The following SNX24 variants were observed in gnomAD, a reference collection of about 807,000 sequenced individuals.
The protein encoded by SNX24 is sorting nexin 24.
SNX24 carries 22 observed loss-of-function variants against 28.7 expected under a neutral mutation model. That is an observed-to-expected ratio of 0.77 (90% CI 0.55 to 1.10). SNX24 has a LOEUF of 1.10. Ranked by LOEUF, SNX24 falls within the 50% of genes least tolerant of loss-of-function variation. The pLI, the probability that SNX24 is intolerant of heterozygous loss-of-function variation, is 0.00. For synonymous variants in SNX24, 69 were observed against 71.5 expected (o/e 0.96, Z 0.18); for missense variants, 221 against 201.1 (o/e 1.10, Z -0.60).
At chr5:122,990,740 A>G (rs1229254099) in intron 3 of SNX24, among the ~76,000 whole-genome samples, 1 of 152,114 alleles carries the variant, frequency 6.6e-6, no homozygotes, top group African/African-American at 2.4e-5. Flanking sequence ...TTTCCATTCT[A>G]TTGTTTGTAT....
chr5:122,848,600 T>C (rs1754754668), intron 1 of SNX24, among the ~76,000 whole-genome samples: 2 of 150,990 alleles, frequency 1.3e-5, no homozygotes, highest in African/African-American at 4.9e-5. Context: ...TCCCAGCTAC[T>C]TGGGAGGCTG....
At chr5:122,960,025 C>T (rs938489031) in intron 3 of SNX24, among the ~76,000 whole-genome samples, 2 of 152,162 alleles carry the variant, frequency 1.3e-5, no homozygotes, top group African/African-American at 2.4e-5. Flanking sequence ...CCTCCCTACA[C>T]GGGCTGTGTT....
chr5:123,008,730 A>G lies in SNX24; in HGVS notation c.*981A>G, dbSNP rs1056044392. 1.2e-5 allele frequency: 5 copies of G among 402,934 alleles called. No homozygotes were observed. The highest frequency in any genetic ancestry group is 8.7e-5 in the African/African-American group (4 of 46,010). 25.0% of individuals were successfully genotyped at this position (402,934 alleles called of 1,614,324 possible). On this transcript the variant is annotated 3_prime_UTR_variant, in exon 7 of 7. Transcript: ENST00000261369. ...CATTCATTTTAGGTGGGATCGCCAC[A>G]GGATTTCATGTTATTTTCCTTACGG... is the stretch of plus-strand genomic sequence containing the variant.
chr5:122,893,378 C>T (rs889078532), intron 1 of SNX24, among the ~76,000 whole-genome samples: 1 of 151,990 alleles, frequency 6.6e-6, no homozygotes, highest in African/African-American at 2.4e-5. Flanking sequence ...TGCAAGGACT[C>T]CTGCCTCCTT....
intron 1 of SNX24, among the ~76,000 whole-genome samples, chr5:122,876,457 T>C (rs1212432159): frequency 2.0e-5 from 3 of 152,224 alleles, no homozygotes; most frequent in Non-Finnish European, 4.4e-5. Flanking sequence ...GCTGGAGATA[T>C]TAAAAAGTGC....
In SNX24 at chr5:122,945,956, C is replaced by A. The variant is rs1038078; in HGVS notation, c.145-99C>A. ...TTTTATTGCAGATAGCAGTAGTTCA[C>A]TTTCTTTTATTGGCCTTTTTTCCCC... On this transcript the variant is annotated intron_variant, in intron 2 of 6. Coordinates refer to ENST00000261369, the MANE Select transcript of SNX24 (RefSeq NM_014035.4). 3 of 605,324 alleles carry A rather than the reference C, an allele frequency of 5.0e-6. No individual in the cohort carries two copies. In the African/African-American group the frequency reaches 5.7e-5, roughly 11 times the overall value. The allele number at this position is 605,324 out of a possible 1,614,324, so 37.5% of individuals were successfully genotyped here. A position where few individuals can be genotyped will look rare whatever the true frequency, so the allele number is the denominator to read the frequency against.
chr5:123,025,752 A>C, intron 5 of SNX24: 1 of 1,589,620 alleles, frequency 6.3e-7, no homozygotes, highest in Non-Finnish European at 8.6e-7. Flanking sequence ...AAAAATATAA[A>C]GCTTTGAAAG....
intron 3 of SNX24, 50 bp from the exon 4 acceptor site, chr5:122,999,862 C>A: frequency 1.9e-6 from 2 of 1,048,072 alleles, no homozygotes; most frequent in South Asian, 1.3e-5. Context: ...TTTGATTGAT[C>A]ACCTAGCAAA....
intron 1 of SNX24, among the ~76,000 whole-genome samples, chr5:122,875,056 C>G (rs1328063539): frequency 6.6e-6 from 1 of 152,158 alleles, no homozygotes; most frequent in Non-Finnish European, 1.5e-5. Flanking sequence ...ACAGTTCATA[C>G]CATAAGCCCC....
At chr5:123,002,119 G>A (rs1196151911) in intron 6 of SNX24, 115 bp downstream of exon 6, 2 of 828,020 alleles carry the variant, frequency 2.4e-6, no homozygotes, top group Non-Finnish European at 2.1e-6. Context: ...TTAATAATCT[G>A]CCAATAAACC....
intron 1 of SNX24, among the ~76,000 whole-genome samples, chr5:122,860,800 G>C (rs1428638799): frequency 6.6e-6 from 1 of 151,948 alleles, no homozygotes; most frequent in African/African-American, 2.4e-5. Context: ...GTTTCACTGT[G>C]TTAGCCAGGA....
At chr5:122,997,798 C>A (rs1377832856) in intron 3 of SNX24, among the ~76,000 whole-genome samples, 2 of 151,996 alleles carry the variant, frequency 1.3e-5, no homozygotes, top group African/African-American at 2.4e-5. Flanking sequence ...TATACCCTCC[C>A]CTCTTTTTTT....
chr5:123,028,768 A>G, intron 5 of SNX24: 2 of 1,603,788 alleles, frequency 1.2e-6, no homozygotes, highest in South Asian at 2.2e-5. Context: ...AAATGCAAAG[A>G]CGTTACCCCC....
chr5:123,026,504 A>G (rs555646029), intron 5 of SNX24, among the ~76,000 whole-genome samples: 16 of 152,204 alleles, frequency 1.1e-4, no homozygotes, highest in Non-Finnish European at 2.1e-4. Context: ...CTATTTTACA[A>G]TGGGAAACAG....
At chr5:122,966,813 A>C (rs1049839881) in intron 3 of SNX24, among the ~76,000 whole-genome samples, 1 of 152,232 alleles carries the variant, frequency 6.6e-6, no homozygotes, top group East Asian at 1.9e-4. Flanking sequence ...ATGAAGCATC[A>C]TCTAATTCCT....
chr5:122,848,465 A>G (rs1047795772), intron 1 of SNX24, among the ~76,000 whole-genome samples: 7 of 150,994 alleles, frequency 4.6e-5, no homozygotes, highest in Admixed American at 1.3e-4. Flanking sequence ...GCACTTTGGG[A>G]GGCCGAGGTG....
chr5:122,997,033 C>T (rs779974552), intron 3 of SNX24, among the ~76,000 whole-genome samples: 2 of 152,148 alleles, frequency 1.3e-5, no homozygotes, highest in Non-Finnish European at 2.9e-5. Context: ...CCTTACTGTT[C>T]AGTTTCTCAT....
intron 1 of SNX24, among the ~76,000 whole-genome samples, chr5:122,922,138 AG>A (rs1272581975): frequency 2.6e-5 from 4 of 152,178 alleles, no homozygotes; most frequent in African/African-American, 9.7e-5. Context: ...TATCTAGAAG[AG>A]GTAGTAGTTG....
chr5:122,910,957 G>A (rs1480276528), intron 1 of SNX24, among the ~76,000 whole-genome samples: 1 of 152,130 alleles, frequency 6.6e-6, no homozygotes, highest in Non-Finnish European at 1.5e-5. Flanking sequence ...ATAGCAGCAT[G>A]ATTTATAATC....
Sources: gnomAD v4.1 joint callset for allele counts (sites outside exome capture counted in the v4.1 genomes callset) on GRCh38, gnomAD v4.1.1 for gene constraint, MANE v1.5 for transcripts, NCBI Gene and HGNC (gene_info 2026-07-23, HGNC 2026-07-21) for gene names.